The following TTC1 variants were observed in gnomAD, a reference collection of about 807,000 sequenced individuals.
TTC1 encodes the protein tetratricopeptide repeat domain 1, also known as tetratricopeptide repeat protein 1.
In TTC1, 31 loss-of-function variants were observed where a neutral mutation model predicts 37.6. That is an observed-to-expected ratio of 0.82 (90% CI 0.62 to 1.11). The LOEUF is 1.11. Ranked by LOEUF, TTC1 falls within the 50% of genes most tolerant of loss-of-function variation. The pLI is 0.00. For missense variants in TTC1, 351 were observed against 339.0 expected (o/e 1.04, Z -0.28); for synonymous variants, 127 against 122.4 (o/e 1.04, Z -0.25).
chr5:160,063,917 C>T (rs1424612687), intron 7 of TTC1, among the ~76,000 whole-genome samples: 1 of 151,020 alleles, frequency 6.6e-6, no homozygotes, highest in Non-Finnish European at 1.5e-5. Flanking sequence ...GCTGGGAATA[C>T]AGGCATGAGT....
chr5:160,016,681 T>A (rs1756612902), intron 2 of TTC1, among the ~76,000 whole-genome samples: 1 of 152,158 alleles, frequency 6.6e-6, no homozygotes, highest in African/African-American at 2.4e-5. Flanking sequence ...ATTTTAAGAA[T>A]ATAAATAAAT....
chr5:160,021,728 T>G lies in TTC1; in HGVS notation c.330+10870T>G, dbSNP rs376232991. Among the ~76,000 whole-genome samples the G allele has an allele frequency of 5.6e-4, 85 of 152,180 alleles. 1 individual carries two copies. In the South Asian group the frequency reaches 0.017, roughly 31 times the overall value. On this transcript the variant is annotated intron_variant, in intron 2 of 7. Transcript: ENST00000231238. ...TTCAAAGAAGACAAAACCAAAAGCT[T>G]ATTTTTTTAATGATAAGGAATTCCC... is the stretch of plus-strand genomic sequence containing the variant.
intron 5 of TTC1, among the ~76,000 whole-genome samples, chr5:160,045,807 A>T (rs1757227491): frequency 6.6e-6 from 1 of 151,896 alleles, no homozygotes; most frequent in Admixed American, 6.6e-5. Flanking sequence ...CAGTGGTGCC[A>T]TCTTGGCTCA....
At chr5:160,011,746 G>A (rs757835513) in intron 2 of TTC1, among the ~76,000 whole-genome samples, 1 of 152,184 alleles carries the variant, frequency 6.6e-6, no homozygotes, top group African/African-American at 2.4e-5. Context: ...CACAAGCAAG[G>A]TAGTCTCTGA....
At chr5:160,042,141 G>A (rs151142521) in intron 4 of TTC1, among the ~76,000 whole-genome samples, 41 of 152,240 alleles carry the variant, frequency 2.7e-4, no homozygotes, top group African/African-American at 8.7e-4. Flanking sequence ...TGTTGGCCAG[G>A]CTGGTCTCGA....
chr5:160,039,652 C>T (rs1757053832), intron 4 of TTC1, among the ~76,000 whole-genome samples: 1 of 151,976 alleles, frequency 6.6e-6, no homozygotes, highest in Non-Finnish European at 1.5e-5. Flanking sequence ...CACTTCTAGG[C>T]ACACAAAGAA....
At chr5:160,034,853 A>T (rs370372477) in intron 2 of TTC1, among the ~76,000 whole-genome samples, 4 of 152,218 alleles carry the variant, frequency 2.6e-5, no homozygotes, top group South Asian at 2.1e-4. Flanking sequence ...AAATTAAGTG[A>T]TACTGTAATT....
At position 160,043,962 on chromosome 5, in the gene TTC1, G is replaced by T. The variant is rs7717712; in HGVS notation, c.541+793G>T. Among the ~76,000 whole-genome samples, 749 of 152,138 alleles carry T rather than the reference G, an allele frequency of 4.9e-3. 5 individuals are homozygous for T. Among genetic ancestry groups the T allele is most frequent in the African/African-American group, 0.017 (721 of 41,496 alleles). On this transcript the variant is annotated intron_variant, in intron 5 of 7. Transcript: ENST00000231238. ...GACATAGGGTCACTACAGTTTTTTT[G>T]TGTTTTGGGGTTGTTTTGTTTTGTT...
At chr5:160,033,403 T>C (rs1756946500) in intron 2 of TTC1, among the ~76,000 whole-genome samples, 1 of 152,224 alleles carries the variant, frequency 6.6e-6, no homozygotes, top group Admixed American at 6.5e-5. Flanking sequence ...CATCAAGTGC[T>C]CTGTTTAATC....
At chr5:160,064,071 C>T (rs1184454467) in intron 7 of TTC1, among the ~76,000 whole-genome samples, 1 of 147,134 alleles carries the variant, frequency 6.8e-6, no homozygotes, top group Non-Finnish European at 1.5e-5. Flanking sequence ...CAGGTGCAAA[C>T]GATTGTCCTG....
chr5:160,017,433 G>A (rs1032357742), intron 2 of TTC1, among the ~76,000 whole-genome samples: 3 of 152,064 alleles, frequency 2.0e-5, no homozygotes, highest in African/African-American at 7.2e-5. Flanking sequence ...CTTTTATTAG[G>A]ACACTAATCC....
At chr5:160,019,411 T>C (rs1422063350) in intron 2 of TTC1, among the ~76,000 whole-genome samples, 1 of 152,106 alleles carries the variant, frequency 6.6e-6, no homozygotes, top group Non-Finnish European at 1.5e-5. Context: ...TGCCACCCTA[T>C]TGCACCATTT....
chr5:160,017,597 G>A (rs1756630075), intron 2 of TTC1, among the ~76,000 whole-genome samples: 1 of 152,196 alleles, frequency 6.6e-6, no homozygotes, highest in African/African-American at 2.4e-5. Flanking sequence ...GGCACATACT[G>A]CAGAATGCTA....
At chr5:160,027,793 C>T (rs1756832846) in intron 2 of TTC1, among the ~76,000 whole-genome samples, 1 of 152,190 alleles carries the variant, frequency 6.6e-6, no homozygotes, top group African/African-American at 2.4e-5. Context: ...ACACTGCCTT[C>T]TGGCCTCCAC....
At chr5:160,050,036 A>C (rs934733575) in intron 6 of TTC1, among the ~76,000 whole-genome samples, 1 of 150,962 alleles carries the variant, frequency 6.6e-6, no homozygotes, top group Non-Finnish European at 1.5e-5. Context: ...TCATGCCACT[A>C]CACTGCAGCC....
At chr5:160,027,750 A>G (rs1581098496) in intron 2 of TTC1, among the ~76,000 whole-genome samples, 1 of 152,164 alleles carries the variant, frequency 6.6e-6, no homozygotes, top group East Asian at 1.9e-4. Flanking sequence ...CTTTGTTGAA[A>G]ATTTTTCTCA....
intron 2 of TTC1, among the ~76,000 whole-genome samples, chr5:160,020,149 G>A (rs954321960): frequency 4.6e-5 from 7 of 151,990 alleles, no homozygotes; most frequent in African/African-American, 1.2e-4. Flanking sequence ...GGCTGGTCTC[G>A]AACTCCTGAC....
intron 4 of TTC1, among the ~76,000 whole-genome samples, chr5:160,040,482 G>C (rs79641816): frequency 0.014 from 2,202 of 151,984 alleles, 55 homozygotes; most frequent in African/African-American, 0.051. Flanking sequence ...ACTGTGCCTT[G>C]TTTTCTTTAT....
chr5:160,034,101 T>G (rs1002837660), intron 2 of TTC1, among the ~76,000 whole-genome samples: 89 of 150,892 alleles, frequency 5.9e-4, no homozygotes, highest in Non-Finnish European at 8.9e-4. Context: ...CACTCTAGCC[T>G]GGACAACATA....
Sources: gnomAD v4.1 joint callset for allele counts (sites outside exome capture counted in the v4.1 genomes callset) on GRCh38, gnomAD v4.1.1 for gene constraint, MANE v1.5 for transcripts, NCBI Gene and HGNC (gene_info 2026-07-23, HGNC 2026-07-21) for gene names.